The following MTMR3 variants were observed in gnomAD, a reference collection of about 807,000 sequenced individuals.
MTMR3 encodes phosphatidylinositol-3,5-bisphosphate 3-phosphatase MTMR3.
MTMR3 carries 32 observed loss-of-function variants against 132.4 expected under a neutral mutation model. The ratio of observed to expected loss-of-function variants is 0.24; its 90% CI spans 0.18 to 0.32. The LOEUF (loss-of-function observed/expected upper bound fraction) is 0.32. Among genes scored for constraint, MTMR3 ranks in the 10% least tolerant of loss-of-function variants. The probability of loss-of-function intolerance (pLI) is 1.00; values close to 1 mark genes in which losing one functional copy is unlikely to be tolerated. For missense variants in MTMR3, 1,216 were observed against 1,489.6 expected (o/e 0.82, Z 3.02); for synonymous variants, 556 against 550.3 (o/e 1.01, Z -0.14).
At chr22:29,907,817 T>TGCAAAA (rs2065133398) in intron 1 of MTMR3, among the ~76,000 whole-genome samples, 1 of 151,930 alleles carries the variant, frequency 6.6e-6, no homozygotes, top group Non-Finnish European at 1.5e-5. Context: ...TTTGAAGGAG[T>TGCAAAA]CTTCTGAAAT....
chr22:29,916,949 G>A (rs977827264), intron 1 of MTMR3, among the ~76,000 whole-genome samples: 5 of 152,118 alleles, frequency 3.3e-5, no homozygotes, highest in Non-Finnish European at 7.4e-5. Context: ...CCCTGTAACT[G>A]CAGTAGTTTG....
At position 30,020,634 on chromosome 22, in the gene MTMR3, A is replaced by G. The variant is rs749566110; in HGVS notation, c.2975A>G (p.Lys992Arg). Residue 992 changes from lysine to arginine, a missense_variant, in exon 17 of 20, where the codon AAG (lysine) becomes AGG (arginine). Lys to Arg is a conservative substitution (Grantham distance 26). Around this residue, in one of 7 missense-constraint regions of MTMR3, gnomAD observed 852 missense variants for 852.0 expected, o/e 1.00. Transcript: ENST00000401950. ...AHLHSRNLHH[K>R]WLHSHSGRPS... ...TTACACTCAAGGAACTTGCACCACA[A>G]GTGGCTGCATAGCCACTCAGGAAGG... The G allele has an allele frequency of 6.2e-7, 1 of 1,614,202 alleles. No individual in the cohort carries two copies. The highest frequency in any genetic ancestry group is 1.7e-5 in the Admixed American group (1 of 60,020).
intron 1 of MTMR3, among the ~76,000 whole-genome samples, chr22:29,927,641 C>T (rs899675931): frequency 1.3e-5 from 2 of 152,058 alleles, no homozygotes; most frequent in African/African-American, 4.8e-5. Context: ...AAAGAGAACT[C>T]AAATACTGAT....
intron 9 of MTMR3, chr22:30,006,692 C>T (rs1306838080): frequency 1.8e-5 from 3 of 164,144 alleles, no homozygotes; most frequent in Admixed American, 1.2e-4. Context: ...TGAGTAGCTG[C>T]GACTACAGGC....
At chr22:29,912,937 A>C (rs1400815825) in intron 1 of MTMR3, among the ~76,000 whole-genome samples, 1 of 152,060 alleles carries the variant, frequency 6.6e-6, no homozygotes, top group Non-Finnish European at 1.5e-5. Flanking sequence ...ATAGTTCTGG[A>C]GCTCCATCGA....
At chr22:30,000,115 A>C (rs2067139050) in intron 8 of MTMR3, 1 of 152,052 alleles carries the variant, frequency 6.6e-6, no homozygotes, top group African/African-American at 2.4e-5. Flanking sequence ...TGGTGATCCA[A>C]ATTTCTATAA....
Position 30,013,427 on chromosome 22 carries a change from G to C in MTMR3, c.1389G>C (p.Gly463=), listed in dbSNP as rs1290648777. 6.2e-7 allele frequency: 1 copy of C among 1,614,142 alleles called. No individual in the cohort carries two copies. The highest frequency in any genetic ancestry group is 2.2e-5 in the East Asian group (1 of 44,884). The change falls in exon 14 of 20, where the codon GGG becomes GGC. Residue 463 remains glycine (G), a synonymous_variant. Transcript: ENST00000401950. ...GHKFADRCGH[G]ENSDDLNERC... ...AATTTGCTGACCGGTGTGGTCATGGGGAGAACTCGGATGATCTGAATGAAC... is the reference window on the plus strand; with the variant it reads ...AATTTGCTGACCGGTGTGGTCATGGCGAGAACTCGGATGATCTGAATGAAC...
chr22:30,015,458 T>G (rs1312984053), intron 14 of MTMR3: 1 of 152,022 alleles, frequency 6.6e-6, no homozygotes, highest in East Asian at 1.9e-4. Context: ...TCCTTTTGTT[T>G]GGGGCAAAAT....
At chr22:29,971,748 C>T (rs764955471) in intron 3 of MTMR3, among the ~76,000 whole-genome samples, 8 of 151,974 alleles carry the variant, frequency 5.3e-5, no homozygotes, top group Non-Finnish European at 7.3e-5. Context: ...CGGGCCATTT[C>T]GGGCCCAGCT....
At position 30,030,393 on chromosome 22, in the gene MTMR3, A is replaced by G. The variant is rs1464690199; in HGVS notation, c.*4592A>G. The G allele has an allele frequency of 1.3e-5, 2 of 152,236 alleles. No individual in the cohort carries two copies. Among genetic ancestry groups the G allele is most frequent in the Non-Finnish European group, 2.9e-5 (2 of 68,014 alleles). The allele number at this position is 152,236 out of a possible 1,614,324, so 9.4% of individuals were successfully genotyped here. A position where few individuals can be genotyped will look rare whatever the true frequency, so the allele number is the denominator to read the frequency against. ...ACCCATGAGGCTCAGATGCTGTTGA[A>G]GAAATAAATGGTATGTTGCTGCTGA... On this transcript the variant is annotated 3_prime_UTR_variant, in exon 20 of 20. Transcript: ENST00000401950.
chr22:30,015,181 G>A (rs1489858352), intron 14 of MTMR3: 1 of 151,970 alleles, frequency 6.6e-6, no homozygotes, highest in Non-Finnish European at 1.5e-5. Flanking sequence ...TGAGTAGCTA[G>A]GACTGCAGGT....
intron 2 of MTMR3, among the ~76,000 whole-genome samples, chr22:29,966,603 A>G (rs866100567): frequency 2.6e-5 from 4 of 152,250 alleles, no homozygotes; most frequent in East Asian, 1.9e-4. Flanking sequence ...ACTTCATTCT[A>G]TACTAGTTCA....
At chr22:29,974,677 G>A (rs1430164680) in intron 3 of MTMR3, among the ~76,000 whole-genome samples, 2 of 152,130 alleles carry the variant, frequency 1.3e-5, no homozygotes, top group Non-Finnish European at 2.9e-5. Flanking sequence ...TTCTTTACAA[G>A]CCTGCTACAT....
At chr22:29,964,378 A>G (rs1437596682) in intron 2 of MTMR3, among the ~76,000 whole-genome samples, 1 of 152,124 alleles carries the variant, frequency 6.6e-6, no homozygotes, top group Non-Finnish European at 1.5e-5. Context: ...AGAGTGGTCT[A>G]ATGCTCTTTC....
intron 19 of MTMR3, chr22:30,025,009 G>C (rs117198286): frequency 6.5e-6 from 1 of 153,902 alleles, no homozygotes; most frequent in African/African-American, 2.4e-5. Flanking sequence ...GTGTGTGCAC[G>C]TGTGTTCATC....
In MTMR3 at chr22:29,941,134, C is replaced by T. The variant is rs1367487395; in HGVS notation, c.-137-15902C>T. ...CCTATCACTAAAAATTAGTTTCGTCCTTGAACTTCATGTAAATGGAATCAT... is the reference window on the plus strand; with the variant it reads ...CCTATCACTAAAAATTAGTTTCGTCTTTGAACTTCATGTAAATGGAATCAT... On this transcript the variant is annotated intron_variant, in intron 1 of 19. Transcript: ENST00000401950. 2.1e-5 allele frequency among the ~76,000 whole-genome samples: 3 copies of T among 140,342 alleles called. 1 individual carries two copies. The highest frequency in any genetic ancestry group is 3.3e-5 in the African/African-American group (1 of 30,322). The allele number at this position is 140,342 out of a possible 152,430, so 92.1% of individuals were successfully genotyped here. A position where few individuals can be genotyped will look rare whatever the true frequency, so the allele number is the denominator to read the frequency against.
chr22:29,991,872 C>T (rs1301913864), intron 7 of MTMR3: 1 of 464,366 alleles, frequency 2.2e-6, no homozygotes, highest in Non-Finnish European at 3.7e-6. Flanking sequence ...CACTAGAAGG[C>T]ATCACAATCT....
intron 7 of MTMR3, chr22:29,994,910 A>G (rs1352753893): frequency 6.6e-6 from 1 of 152,192 alleles, no homozygotes; most frequent in Non-Finnish European, 1.5e-5. Flanking sequence ...CAAATTCTTG[A>G]CCCTTCTCTT....
At chr22:30,016,257 T>C in intron 14 of MTMR3, 1 of 387,568 alleles carries the variant, frequency 2.6e-6, no homozygotes, top group South Asian at 3.4e-5. Flanking sequence ...GTGGCGCTTG[T>C]GAGAGTGGCT....
Sources: allele counts gnomAD v4.1 joint callset (sites outside exome capture counted in the v4.1 genomes callset), GRCh38; gene constraint gnomAD v4.1.1; regional missense constraint gnomAD v4.1.1; transcripts MANE v1.5; gene names NCBI Gene and HGNC (gene_info 2026-07-23, HGNC 2026-07-21).